Variants in CDH12 observed in about 807,000 individuals in gnomAD.
CDH12 encodes the protein cadherin-12.
A neutral mutation model predicts 74.1 loss-of-function variants in CDH12; 41 were observed. The observed-to-expected ratio is 0.55, with a 90% CI of 0.43 to 0.72. The LOEUF is 0.72. CDH12 is among the 30% of genes least tolerant of loss of function. CDH12 has a pLI of 0.00. For missense variants in CDH12, 945 were observed against 977.2 expected (o/e 0.97, Z 0.44); for synonymous variants, 399 against 355.0 (o/e 1.12, Z -1.39).
At chr5:22,398,783 CAGA>C (rs1324147547) in intron 3 of CDH12, among the ~76,000 whole-genome samples, 1 of 152,080 alleles carries the variant, frequency 6.6e-6, no homozygotes, top group Non-Finnish European at 1.5e-5. Flanking sequence ...CTTCCACCAA[CAGA>C]AGATCTTTGT....
rs560659783 is a variant in CDH12 at position 22,305,987 on chromosome 5, T to C, written c.-332-93344A>G. Among the ~76,000 whole-genome samples the C allele has an allele frequency of 3.3e-5, 5 of 152,254 alleles. No individual in the cohort carries two copies. In the South Asian group the frequency reaches 1.0e-3, roughly 32 times the overall value. ...CTTCTCCCTGCCTCCTAGATAAGAT[T>C]CATGCTGACATTGACCAACCTCTTT... On this transcript the variant is annotated intron_variant, in intron 3 of 14. Transcript: ENST00000382254.
Position 22,192,839 on chromosome 5 carries a change from A to C in CDH12, c.-187+19659T>G, listed in dbSNP as rs1750386754. Among the ~76,000 whole-genome samples, 6 of 152,312 alleles carry C rather than the reference A, an allele frequency of 3.9e-5. No homozygotes were observed. In the South Asian group the frequency reaches 1.2e-3, roughly 32 times the overall value. On this transcript the variant is annotated intron_variant, in intron 4 of 14. Transcript: ENST00000382254. ...ACACAGCTGGGGAGGCTACACTTGA[A>C]AGGGAAGAGACTGGAGGCCAGAATA... is the stretch of plus-strand genomic sequence containing the variant.
chr5:21,894,382 GAAAAAAAAAAAAAA>G (rs376989106), intron 6 of CDH12, among the ~76,000 whole-genome samples: 4 of 73,440 alleles, frequency 5.4e-5, no homozygotes, highest in Non-Finnish European at 1.2e-4. Flanking sequence ...CCGTCTCAAA[GAAAAAAAAAAAAAA>G]AAAAAAAAGA....
chr5:22,054,310 A>G (rs185927420), intron 5 of CDH12, among the ~76,000 whole-genome samples: 169 of 152,298 alleles, frequency 1.1e-3, no homozygotes, highest in Non-Finnish European at 2.2e-3. Flanking sequence ...GGAACCAGTG[A>G]GCTTATTGCT....
intron 1 of CDH12, among the ~76,000 whole-genome samples, chr5:22,791,661 A>G (rs961076218): frequency 3.9e-5 from 6 of 152,222 alleles, no homozygotes; most frequent in African/African-American, 1.2e-4. Flanking sequence ...TAATTGAATC[A>G]CAGTTCTAAA....
chr5:22,792,191 C>T (rs780890439), intron 1 of CDH12, among the ~76,000 whole-genome samples: 9 of 150,036 alleles, frequency 6.0e-5, no homozygotes, highest in Non-Finnish European at 1.2e-4. Flanking sequence ...TGGGTTCAGG[C>T]GATTCTCCTG....
rs530828145 is a variant in CDH12, at chr5:22,738,426, C to A, written c.-523+114632G>T. ...TCTGCTTTGTCCATAAGCAAGATGA[C>A]CATTTCTCAGATTTGACTCTACTAC... is the stretch of plus-strand genomic sequence containing the variant. On this transcript the variant is annotated intron_variant, in intron 1 of 14. Coordinates refer to ENST00000382254, the MANE Select transcript of CDH12 (RefSeq NM_004061.5). Among the ~76,000 whole-genome samples the A allele has an allele frequency of 4.6e-4, 70 of 152,030 alleles. 1 individual carries two copies. The South Asian group carries it at 0.015, about 32-fold the overall frequency.
chr5:22,135,948 G>A (rs899837623), intron 4 of CDH12, among the ~76,000 whole-genome samples: 8 of 151,980 alleles, frequency 5.3e-5, no homozygotes, highest in Admixed American at 2.0e-4. Context: ...TGGGTATGAC[G>A]AGAATGCCCC....
chr5:22,099,499 G>A (rs146874576), intron 4 of CDH12, among the ~76,000 whole-genome samples: 10,019 of 152,136 alleles, frequency 0.066, 352 homozygotes, highest in South Asian at 0.12. Flanking sequence ...GCTCCTGTAT[G>A]GACACTCCTT....
At chr5:21,819,847 A>G (rs1260840810) in intron 8 of CDH12, among the ~76,000 whole-genome samples, 1 of 152,006 alleles carries the variant, frequency 6.6e-6, no homozygotes, top group Non-Finnish European at 1.5e-5. Flanking sequence ...TTAGGAACAC[A>G]TGTGCATCTC....
intron 4 of CDH12, among the ~76,000 whole-genome samples, chr5:22,196,332 A>T (rs764600989): frequency 3.9e-5 from 6 of 151,924 alleles, no homozygotes; most frequent in African/African-American, 7.3e-5. Flanking sequence ...TTTAGTGGAG[A>T]TGGGGTTTCA....
intron 2 of CDH12, among the ~76,000 whole-genome samples, chr5:22,498,901 C>CTTTTTTTTTTTTTTTT (rs34550762): frequency 5.4e-5 from 4 of 73,432 alleles, no homozygotes; most frequent in Admixed American, 1.8e-4. Flanking sequence ...TTTTCTGTTT[C>CTTTTTTTTTTTTTTTT]TTTTTTTTTT....
chr5:22,415,252 T>C (rs904814666), intron 2 of CDH12, among the ~76,000 whole-genome samples: 2 of 152,158 alleles, frequency 1.3e-5, no homozygotes, highest in Non-Finnish European at 2.9e-5. Context: ...TTGACACATA[T>C]GGGAAGTAAT....
chr5:21,865,640 C>T (rs1413168989), intron 6 of CDH12, among the ~76,000 whole-genome samples: 1 of 152,122 alleles, frequency 6.6e-6, no homozygotes, highest in Non-Finnish European at 1.5e-5. Context: ...GGAGCTTTGA[C>T]CCACCACTCA....
chr5:22,544,033 G>A (rs746926449), intron 1 of CDH12, among the ~76,000 whole-genome samples: 1 of 151,886 alleles, frequency 6.6e-6, no homozygotes, highest in Non-Finnish European at 1.5e-5. Context: ...ATATATAGAT[G>A]TGGTTAAAAA....
intron 1 of CDH12, among the ~76,000 whole-genome samples, chr5:22,805,578 T>C (rs1426815730): frequency 6.6e-6 from 1 of 152,182 alleles, no homozygotes; most frequent in Non-Finnish European, 1.5e-5. Context: ...TATTATTATA[T>C]CCTTTTGGGT....
intron 6 of CDH12, among the ~76,000 whole-genome samples, chr5:21,966,485 G>A (rs1166116704): frequency 2.0e-5 from 3 of 152,134 alleles, no homozygotes; most frequent in Non-Finnish European, 4.4e-5. Context: ...TGCCCCTGCA[G>A]GAGGCCTTTG....
chr5:22,058,712 A>G (rs1273284053), intron 5 of CDH12, among the ~76,000 whole-genome samples: 2 of 146,310 alleles, frequency 1.4e-5, no homozygotes, highest in Non-Finnish European at 1.5e-5. Context: ...AGAAAGAAAA[A>G]GAAAGAAAGA....
Position 22,733,834 on chromosome 5 carries a change from C to T in CDH12, c.-523+119224G>A, listed in dbSNP as rs565429053. Among the ~76,000 whole-genome samples the T allele has an allele frequency of 2.6e-5, 4 of 151,988 alleles. No individual in the cohort carries two copies. In the East Asian group the frequency reaches 7.8e-4, roughly 30 times the overall value. On this transcript the variant is annotated intron_variant, in intron 1 of 14. Transcript: ENST00000382254. ...GCATACTTATTTTAGCCTCTTCTTT[C>T]TTCATTTCCAGATTGGCCAGCTTGC...
Sources: allele counts gnomAD v4.1 joint callset (sites outside exome capture counted in the v4.1 genomes callset), GRCh38; gene constraint gnomAD v4.1.1; transcripts MANE v1.5; gene names NCBI Gene and HGNC (gene_info 2026-07-23, HGNC 2026-07-21).